Variants in HDAC9 observed in about 807,000 individuals in gnomAD.
HDAC9 encodes the protein histone deacetylase 9.
In HDAC9, 41 loss-of-function variants were observed where a neutral mutation model predicts 139.4. That is an observed-to-expected ratio of 0.29 (90% CI 0.23 to 0.38). HDAC9 has a LOEUF of 0.38. Among genes scored for constraint, HDAC9 ranks in the 10% least tolerant of loss-of-function variants. HDAC9 has a pLI of 1.00. For synonymous variants in HDAC9, 517 were observed against 476.2 expected (o/e 1.09, Z -1.12); for missense variants, 1,147 against 1,297.0 (o/e 0.88, Z 1.78).
chr7:18,645,057 G>A (rs1045313357), intron 9 of HDAC9, among the ~76,000 whole-genome samples: 4 of 151,962 alleles, frequency 2.6e-5, no homozygotes, highest in African/African-American at 9.7e-5. Flanking sequence ...GCACTTTCCA[G>A]ATATATTATT....
chr7:18,700,742 C>A (rs1783410190), intron 12 of HDAC9, among the ~76,000 whole-genome samples: 1 of 152,192 alleles, frequency 6.6e-6, no homozygotes, highest in African/African-American at 2.4e-5. Context: ...AATGCTAGGG[C>A]CTCTCTCCAC....
At chr7:18,855,594 A>G (rs982424901) in intron 21 of HDAC9, among the ~76,000 whole-genome samples, 4 of 151,766 alleles carry the variant, frequency 2.6e-5, no homozygotes, top group African/African-American at 7.3e-5. Context: ...ACTCCTTTTC[A>G]ACTGCCTGTG....
chr7:18,659,648 T>G (rs1328420965), intron 11 of HDAC9, among the ~76,000 whole-genome samples: 1 of 152,076 alleles, frequency 6.6e-6, no homozygotes, highest in African/African-American at 2.4e-5. Context: ...GCCTGACAGA[T>G]GAGTATGAGC....
intron 2 of HDAC9, among the ~76,000 whole-genome samples, chr7:18,225,040 G>T (rs1046519226): frequency 6.6e-6 from 1 of 152,060 alleles, no homozygotes; most frequent in Admixed American, 6.6e-5. Context: ...AACCCTCACT[G>T]ATCCTTTCCT....
At chr7:18,306,058 A>G (rs1798887547) in intron 1 of HDAC9, among the ~76,000 whole-genome samples, 1 of 152,204 alleles carries the variant, frequency 6.6e-6, no homozygotes, top group Non-Finnish European at 1.5e-5. Context: ...GGAAACTCCA[A>G]TAGGGGAAAT....
chr7:18,881,346 T>G (rs1467079619), intron 22 of HDAC9, among the ~76,000 whole-genome samples: 1 of 152,092 alleles, frequency 6.6e-6, no homozygotes, highest in Admixed American at 6.6e-5. Flanking sequence ...ACAATCTGTT[T>G]GGATTCTAAG....
At chr7:18,097,512 T>C (rs1423502987) in intron 1 of HDAC9, among the ~76,000 whole-genome samples, 1 of 151,918 alleles carries the variant, frequency 6.6e-6, no homozygotes, top group Middle Eastern at 3.2e-3. Context: ...TTTGCTTGTC[T>C]TTCTGTTTTA....
chr7:18,563,096 G>C (rs1821113583), intron 2 of HDAC9, among the ~76,000 whole-genome samples: 1 of 152,086 alleles, frequency 6.6e-6, no homozygotes, highest in Non-Finnish European at 1.5e-5. Flanking sequence ...TATTTTGACA[G>C]AAAACTTTTG....
chr7:18,333,258 G>C (rs1241925527), intron 1 of HDAC9, among the ~76,000 whole-genome samples: 1 of 151,378 alleles, frequency 6.6e-6, no homozygotes, highest in Non-Finnish European at 1.5e-5. Flanking sequence ...GGGTGAAGTT[G>C]GAGAGAGGAA....
intron 25 of HDAC9, among the ~76,000 whole-genome samples, chr7:18,994,326 A>G (rs1786278339): frequency 6.6e-6 from 1 of 152,244 alleles, no homozygotes; most frequent in Non-Finnish European, 1.5e-5. Flanking sequence ...AAATAAGGCT[A>G]TATATTTATG....
intron 21 of HDAC9, among the ~76,000 whole-genome samples, chr7:18,841,227 AGAGAT>A (rs2129215288): frequency 6.6e-6 from 1 of 152,236 alleles, no homozygotes; most frequent in Admixed American, 6.6e-5. Flanking sequence ...ATTCTATTTA[AGAGAT>A]AAAATGGGAC....
chr7:18,252,829 C>G (rs545398331), intron 2 of HDAC9, among the ~76,000 whole-genome samples: 1 of 152,138 alleles, frequency 6.6e-6, no homozygotes, highest in East Asian at 1.9e-4. Context: ...GGTAGACTTG[C>G]ACCACGGGAC....
intron 12 of HDAC9, among the ~76,000 whole-genome samples, chr7:18,702,380 G>A (rs977644156): frequency 6.6e-6 from 1 of 152,236 alleles, no homozygotes; most frequent in Non-Finnish European, 1.5e-5. Flanking sequence ...ACGCACTGGT[G>A]TCCGCAGCAC....
At chr7:18,748,450 C>A (rs1788167893) in intron 13 of HDAC9, among the ~76,000 whole-genome samples, 1 of 152,058 alleles carries the variant, frequency 6.6e-6, no homozygotes, top group Non-Finnish European at 1.5e-5. Context: ...TGGGGAGAAA[C>A]ACAAATAAAC....
intron 2 of HDAC9, among the ~76,000 whole-genome samples, chr7:18,183,183 G>A (rs546986010): frequency 6.6e-6 from 1 of 151,980 alleles, no homozygotes; most frequent in African/African-American, 2.4e-5. Context: ...CTAATTTTTT[G>A]TATTTTTAGT....
At chr7:18,599,840 T>C (rs1455292643) in intron 6 of HDAC9, among the ~76,000 whole-genome samples, 1 of 152,172 alleles carries the variant, frequency 6.6e-6, no homozygotes, top group Non-Finnish European at 1.5e-5. Context: ...AAGACTTGTT[T>C]GTTAAAAAAA....
intron 6 of HDAC9, among the ~76,000 whole-genome samples, chr7:18,611,400 G>C (rs1490632678): frequency 6.6e-6 from 1 of 152,018 alleles, no homozygotes; most frequent in Non-Finnish European, 1.5e-5. Context: ...AGATAACTTT[G>C]GTGACTATGT....
At chr7:18,892,759 A>G (rs1280765088) in intron 22 of HDAC9, 1 of 152,172 alleles carries the variant, frequency 6.6e-6, no homozygotes, top group Non-Finnish European at 1.5e-5. Flanking sequence ...TATTGCCCAG[A>G]AATAAATTCT....
chr7:18,756,000 A>G (rs866669241), intron 14 of HDAC9, among the ~76,000 whole-genome samples: 17 of 152,138 alleles, frequency 1.1e-4, no homozygotes, highest in African/African-American at 2.9e-4. Context: ...AGCAGTAAGT[A>G]TGGACAGCTC....
Sources: allele counts gnomAD v4.1 joint callset (sites outside exome capture counted in the v4.1 genomes callset), GRCh38; gene constraint gnomAD v4.1.1; transcripts MANE v1.5; gene names NCBI Gene and HGNC (gene_info 2026-07-23, HGNC 2026-07-21).